Variants in SENP7 observed in about 807,000 individuals in gnomAD.
The protein encoded by SENP7 is sentrin-specific protease 7.
A neutral mutation model predicts 141.2 loss-of-function variants in SENP7; 64 were observed. That is an observed-to-expected ratio of 0.45 (90% confidence interval 0.37 to 0.56). The LOEUF is 0.56. Ranked by LOEUF, SENP7 falls within the 20% of genes least tolerant of loss-of-function variation. The pLI is 0.00. For synonymous variants in SENP7, 382 were observed against 426.4 expected, an observed-to-expected ratio of 0.90 and a Z score of 1.28; for missense variants, 1,025 against 1,212.2, an observed-to-expected ratio of 0.85 and a Z score of 2.29.
chr3:101,467,625 A>C (rs1450167857), intron 3 of SENP7, among the ~76,000 whole-genome samples: 2 of 152,226 alleles, frequency 1.3e-5, no homozygotes, highest in Non-Finnish European at 2.9e-5. Context: ...CCTGACTGTT[A>C]GAAGGAAAAC....
chr3:101,408,854 C>T (rs2061376710), intron 5 of SENP7, among the ~76,000 whole-genome samples: 1 of 152,106 alleles, frequency 6.6e-6, no homozygotes, highest in Non-Finnish European at 1.5e-5. Flanking sequence ...TGAAAGCATT[C>T]CCTCTGAGAA....
At chr3:101,452,710 T>C (rs1323072658) in intron 4 of SENP7, among the ~76,000 whole-genome samples, 2 of 152,082 alleles carry the variant, frequency 1.3e-5, no homozygotes, top group African/African-American at 2.4e-5. Flanking sequence ...ACACAAAAAT[T>C]AATTCAAGAT....
intron 4 of SENP7, among the ~76,000 whole-genome samples, chr3:101,435,725 G>T (rs920693871): frequency 4.6e-5 from 7 of 151,344 alleles, no homozygotes; most frequent in Admixed American, 4.6e-4. Flanking sequence ...ACCAAAGAAG[G>T]GAAAGATCTC....
intron 16 of SENP7, 100 bp downstream of exon 16, chr3:101,339,995 C>T: frequency 7.2e-7 from 1 of 1,396,630 alleles, no homozygotes; most frequent in Non-Finnish European, 9.4e-7. Flanking sequence ...TGGCAGGCTA[C>T]TTTTAACAGA....
chr3:101,414,756 T>C (rs796085210), intron 5 of SENP7: 1 of 519,030 alleles, frequency 1.9e-6, no homozygotes, highest in African/African-American at 2.0e-5. Flanking sequence ...ACAAGTGTAA[T>C]GCATATGTCA....
chr3:101,368,891 C>T (rs1200421133), intron 7 of SENP7, among the ~76,000 whole-genome samples: 1 of 151,922 alleles, frequency 6.6e-6, no homozygotes, highest in Non-Finnish European at 1.5e-5. Flanking sequence ...GAGTGTTGAT[C>T]ACTGCTCTTT....
Position 101,348,046 on chromosome 3 carries a change from G to A in SENP7, c.1663C>T (p.Leu555=). 1 of 1,570,560 alleles carries A rather than the reference G, an allele frequency of 6.4e-7. No individual in the cohort carries two copies. Among genetic ancestry groups the A allele is most frequent in the Non-Finnish European group, 8.6e-7 (1 of 1,161,090 alleles). ...TCCACTAGCAATGAAATCTCATTCA[G>A]GGACACTGAAACAAATAAAAGACAA... The part of the protein sequence containing the change: ...KYIKIPFQVS[L]NEISLLVDTT... Residue 555 remains leucine, a synonymous_variant, in exon 13 of 24, where the codon CTG becomes TTG. Transcript: ENST00000394095.
At chr3:101,454,482 G>A (rs1321299851) in intron 4 of SENP7, among the ~76,000 whole-genome samples, 1 of 152,040 alleles carries the variant, frequency 6.6e-6, no homozygotes, top group African/African-American at 2.4e-5. Flanking sequence ...CTACACTCCA[G>A]CCTGGGCAAC....
At chr3:101,484,334 C>T (rs766765866) in intron 3 of SENP7, among the ~76,000 whole-genome samples, 19 of 152,168 alleles carry the variant, frequency 1.2e-4, no homozygotes, top group Non-Finnish European at 2.2e-4. Flanking sequence ...AGAACTCTTA[C>T]AACTCAACAG....
At chr3:101,418,756 C>T (rs1257985479) in intron 4 of SENP7, among the ~76,000 whole-genome samples, 2 of 151,194 alleles carry the variant, frequency 1.3e-5, no homozygotes, top group Admixed American at 1.3e-4. Flanking sequence ...GAAGAGGGTA[C>T]AAGTTCCCAG....
At chr3:101,354,456 G>A (rs185954078) in intron 11 of SENP7, among the ~76,000 whole-genome samples, 43 of 152,054 alleles carry the variant, frequency 2.8e-4, no homozygotes, top group Admixed American at 1.2e-3. Context: ...CCTTCTTTGT[G>A]TCCATGAGTT....
chr3:101,492,258 C>T (rs893524763), intron 3 of SENP7, among the ~76,000 whole-genome samples: 1 of 151,758 alleles, frequency 6.6e-6, no homozygotes, highest in Non-Finnish European at 1.5e-5. Flanking sequence ...GCCTCTAATC[C>T]GAGATACTCA....
In SENP7 at chr3:101,492,268, A is replaced by T. The variant is rs115353758; in HGVS notation, c.186+1605T>A. 2.6e-3 allele frequency among the ~76,000 whole-genome samples: 395 copies of T among 151,938 alleles called. 1 individual carries two copies. Among genetic ancestry groups the T allele is most frequent in the African/African-American group, 9.1e-3 (379 of 41,468 alleles). The stretch of plus-strand genomic sequence containing the variant: ...TGCATGCCTCTAATCCGAGATACTC[A>T]GGAGGCTGAGGTGGGAGCACAGCTT... On this transcript the variant is annotated intron_variant, in intron 3 of 23. Coordinates refer to ENST00000394095, the MANE Select transcript of SENP7 (RefSeq NM_020654.5).
chr3:101,508,552 T>C (rs895939876), intron 1 of SENP7, among the ~76,000 whole-genome samples: 4 of 152,026 alleles, frequency 2.6e-5, no homozygotes, highest in Non-Finnish European at 5.9e-5. Flanking sequence ...TGAGCCGAGA[T>C]CGTGCCACTG....
At chr3:101,512,811 A>G (rs2065914376) in intron 1 of SENP7, among the ~76,000 whole-genome samples, 1 of 152,228 alleles carries the variant, frequency 6.6e-6, no homozygotes, top group South Asian at 2.1e-4. Flanking sequence ...GGGAAGATCC[A>G]TGGGCCGATG....
intron 3 of SENP7, among the ~76,000 whole-genome samples, chr3:101,473,656 T>G (rs1353310711): frequency 6.6e-6 from 1 of 152,226 alleles, no homozygotes; most frequent in African/African-American, 2.4e-5. Flanking sequence ...ATGCATAGTT[T>G]GCAAAAATTT....
At chr3:101,489,192 C>T (rs2064857158) in intron 3 of SENP7, among the ~76,000 whole-genome samples, 1 of 152,142 alleles carries the variant, frequency 6.6e-6, no homozygotes. Context: ...AGAAGAATGA[C>T]ACCTACTACC....
intron 11 of SENP7, chr3:101,358,110 A>G (rs537472802): frequency 2.7e-4 from 142 of 535,356 alleles, no homozygotes; most frequent in African/African-American, 2.3e-3. Context: ...AATGTGGCAA[A>G]ATTTTAACTG....
In SENP7 at chr3:101,341,704, T is replaced by C. The variant is rs760843006; in HGVS notation, c.2182A>G (p.Ile728Val). Residue 728 changes from isoleucine to valine, a missense_variant, in exon 15 of 24, where the codon ATT (isoleucine) becomes GTT (valine). Ile to Val is a conservative substitution (Grantham distance 29). Coordinates refer to ENST00000394095, the MANE Select transcript of SENP7 (RefSeq NM_020654.5). ...KQSSGCYSLS[I>V]TSNPDEEWRE... ...CATTCTTCATCTGGATTAGATGTAATAGAAAGGGAGTAGCAACCGCTACTT... is the reference window on the plus strand; with the variant it reads ...CATTCTTCATCTGGATTAGATGTAACAGAAAGGGAGTAGCAACCGCTACTT... The C allele has an allele frequency of 1.1e-5, 18 of 1,611,926 alleles. No homozygotes were observed. Among genetic ancestry groups the C allele is most frequent in the Non-Finnish European group, 1.4e-5 (17 of 1,178,544 alleles).
Sources: gnomAD v4.1 joint callset for allele counts (sites outside exome capture counted in the v4.1 genomes callset) on GRCh38, gnomAD v4.1.1 for gene constraint, MANE v1.5 for transcripts, NCBI Gene and HGNC (gene_info 2026-07-23, HGNC 2026-07-21) for gene names.